RBM6: variants seen among roughly 807,000 people sequenced by gnomAD.
RBM6 encodes the protein RNA binding motif protein 6.
A neutral mutation model predicts 140.4 loss-of-function variants in RBM6; 23 were observed. That is an observed-to-expected ratio of 0.16 (90% CI 0.12 to 0.23). The LOEUF (loss-of-function observed/expected upper bound fraction) is 0.23. Among genes scored for constraint, RBM6 ranks in the 10% least tolerant of loss-of-function variants. The pLI, the probability that RBM6 is intolerant of heterozygous loss-of-function variation, is 1.00. For synonymous variants in RBM6, 439 were observed against 475.6 expected (o/e 0.92, Z 1.00); for missense variants, 1,139 against 1,386.7 (o/e 0.82, Z 2.84).
chr3:50,065,689 T>C (rs2090100022), intron 16 of RBM6: 1 of 454,494 alleles, frequency 2.2e-6, no homozygotes, highest in Non-Finnish European at 4.4e-6. Context: ...CATAGACCAA[T>C]GATTATGCAT....
At chr3:50,074,590 C>G (rs930962319) in intron 19 of RBM6, among the ~76,000 whole-genome samples, 3 of 152,106 alleles carry the variant, frequency 2.0e-5, no homozygotes, top group Non-Finnish European at 4.4e-5. Flanking sequence ...CAAAGTGATT[C>G]CTTCTACTGT....
rs373460099 is a variant in RBM6, at chr3:50,054,184, A to T, written c.1633-151A>T. 7 of 658,624 alleles carry T rather than the reference A, an allele frequency of 1.1e-5. No homozygotes were observed. In the African/African-American group the frequency reaches 1.3e-4, roughly 12 times the overall value. The allele number at this position is 658,624 out of a possible 1,614,324, so 40.8% of individuals were successfully genotyped here. A position where few individuals can be genotyped will look rare whatever the true frequency, so the allele number is the denominator to read the frequency against. On this transcript the variant is annotated intron_variant, in intron 7 of 20. Coordinates refer to ENST00000266022, the MANE Select transcript of RBM6 (RefSeq NM_005777.3). ...CATCAGATCCCATCTGCCAGCTCTA[A>T]TCAGTGGGGAATATCAGATTCTTTT...
intron 6 of RBM6, among the ~76,000 whole-genome samples, chr3:50,045,181 T>A (rs1267556303): frequency 1.3e-5 from 2 of 152,170 alleles, no homozygotes; most frequent in Non-Finnish European, 2.9e-5. Context: ...ACTGGAACAT[T>A]TTTGTTGTCT....
In RBM6 at chr3:50,064,780, C is replaced by G. The variant is rs181110748; in HGVS notation, c.2587-251C>G. Among the ~76,000 whole-genome samples the G allele has an allele frequency of 1.3e-4, 20 of 152,314 alleles. No individual in the cohort carries two copies. The East Asian group carries it at 2.5e-3, about 19-fold the overall frequency. On this transcript the variant is annotated intron_variant, in intron 15 of 20. Transcript: ENST00000266022. ...GCAAGCTCCGCCTCTCGGGTTCATT[C>G]TCCTGCCTCAGCCTCCCTACTAACT...
intron 5 of RBM6, among the ~76,000 whole-genome samples, chr3:49,980,299 C>T (rs2085250911): frequency 6.6e-6 from 1 of 151,894 alleles, no homozygotes; most frequent in African/African-American, 2.4e-5. Flanking sequence ...GCCACCATGC[C>T]CGGCTGAGAG....
chr3:50,005,655 T>C (rs2086537373), intron 6 of RBM6, among the ~76,000 whole-genome samples: 1 of 152,192 alleles, frequency 6.6e-6, no homozygotes, highest in African/African-American at 2.4e-5. Flanking sequence ...ACTTAAATTG[T>C]GTGCATTCCA....
chr3:50,077,216 A>G lies in RBM6; in HGVS notation c.*83A>G, dbSNP rs536385741. On this transcript the variant is annotated 3_prime_UTR_variant, in exon 21 of 21. Coordinates refer to ENST00000266022, the MANE Select transcript of RBM6 (RefSeq NM_005777.3). ...TTCTTTTGTTACTGTTCTTGCTGCTAGAACTTTTTTAAATAAACTTTTTTT... is the reference window on the plus strand; with the variant it reads ...TTCTTTTGTTACTGTTCTTGCTGCTGGAACTTTTTTAAATAAACTTTTTTT... The G allele has an allele frequency of 3.4e-3, 4,883 of 1,428,870 alleles. 14 individuals carry two copies. Among genetic ancestry groups the G allele is most frequent in the Non-Finnish European group, 4.2e-3 (4,466 of 1,070,968 alleles). 88.5% of individuals were successfully genotyped at this position (1,428,870 alleles called of 1,614,324 possible). A position where few individuals can be genotyped will look rare whatever the true frequency, so the allele number is the denominator to read the frequency against.
At chr3:50,027,041 CT>C (rs1330272098) in intron 6 of RBM6, among the ~76,000 whole-genome samples, 1 of 152,084 alleles carries the variant, frequency 6.6e-6, no homozygotes. Context: ...TTGATGTACC[CT>C]TCTGGAGTCC....
At chr3:49,971,586 G>A (rs1434802645) in intron 3 of RBM6, among the ~76,000 whole-genome samples, 1 of 144,558 alleles carries the variant, frequency 6.9e-6, no homozygotes, top group Non-Finnish European at 1.5e-5. Flanking sequence ...CACCCAGGCT[G>A]GAGTGCAGTG....
At chr3:50,055,738 GA>G (rs1237489686) in intron 8 of RBM6, among the ~76,000 whole-genome samples, 1 of 152,098 alleles carries the variant, frequency 6.6e-6, no homozygotes, top group African/African-American at 2.4e-5. Flanking sequence ...ATTTTCAAGA[GA>G]AAAACATTTG....
At chr3:49,945,515 G>A (rs547099148) in intron 1 of RBM6, among the ~76,000 whole-genome samples, 10 of 152,008 alleles carry the variant, frequency 6.6e-5, no homozygotes, top group Non-Finnish European at 1.2e-4. Context: ...GAAAATTCAC[G>A]TGTTGAAGCC....
intron 5 of RBM6, among the ~76,000 whole-genome samples, chr3:49,997,065 C>A (rs1255171139): frequency 6.6e-6 from 1 of 151,986 alleles, no homozygotes; most frequent in African/African-American, 2.4e-5. Context: ...AATCTTGAAC[C>A]AACAAGTTTT....
intron 6 of RBM6, among the ~76,000 whole-genome samples, chr3:50,006,266 A>G (rs752185674): frequency 8.1e-4 from 123 of 151,534 alleles, no homozygotes; most frequent in Admixed American, 3.0e-3. Flanking sequence ...CTCCCGAGTA[A>G]CTGGGATTAC....
In RBM6 at chr3:49,967,382, G is replaced by T; in HGVS notation, c.45-88G>T. ...TGCCAAAAAAAAAATGTTTACAGAAGAATGTGCTGTGATTAGAGAAGAATA... is the reference window on the plus strand; with the variant it reads ...TGCCAAAAAAAAAATGTTTACAGAATAATGTGCTGTGATTAGAGAAGAATA... On this transcript the variant is annotated intron_variant, in intron 2 of 20. Transcript: ENST00000266022. This position sits in a 1 kb window ranked among gnomAD's most constrained non-coding sequence, Gnocchi z 4.0. 1 of 1,516,710 alleles carries T rather than the reference G, an allele frequency of 6.6e-7. No individual in the cohort carries two copies. Among genetic ancestry groups the T allele is most frequent in the East Asian group, 2.3e-5 (1 of 44,052 alleles). 94.0% of individuals were successfully genotyped at this position (1,516,710 alleles called of 1,614,324 possible).
At chr3:49,975,448 C>T in intron 5 of RBM6, 56 bp downstream of exon 5, 1 of 1,380,952 alleles carries the variant, frequency 7.2e-7, no homozygotes, top group Admixed American at 1.9e-5. Flanking sequence ...TGTCAGATCT[C>T]TGCATCATGT....
intron 6 of RBM6, among the ~76,000 whole-genome samples, chr3:50,028,644 G>T (rs2087974354): frequency 6.6e-6 from 1 of 152,146 alleles, no homozygotes; most frequent in Admixed American, 6.6e-5. Context: ...AAATGCCTGG[G>T]TAATGACTAG....
chr3:50,076,188 C>T (rs1329826072), intron 20 of RBM6, among the ~76,000 whole-genome samples: 3 of 150,816 alleles, frequency 2.0e-5, no homozygotes, highest in South Asian at 2.2e-4. Flanking sequence ...AGGCTGGTCT[C>T]GAACTCCTGG....
At chr3:50,029,530 C>T (rs1288571277) in intron 6 of RBM6, among the ~76,000 whole-genome samples, 2 of 152,030 alleles carry the variant, frequency 1.3e-5, no homozygotes, top group South Asian at 2.1e-4. Flanking sequence ...GTCAGGAGTT[C>T]GAGACCAGCC....
intron 6 of RBM6, among the ~76,000 whole-genome samples, chr3:50,032,292 C>T (rs1049418625): frequency 6.6e-6 from 1 of 151,596 alleles, no homozygotes; most frequent in Non-Finnish European, 1.5e-5. Context: ...ACCATCCTGG[C>T]CAACATGGTG....
Sources: allele counts gnomAD v4.1 joint callset (sites outside exome capture counted in the v4.1 genomes callset), GRCh38; gene constraint gnomAD v4.1.1; non-coding constraint Gnocchi (gnomAD v3.1); transcripts MANE v1.5; gene names NCBI Gene and HGNC (gene_info 2026-07-23, HGNC 2026-07-21).